DYNLT3: variants seen among roughly 807,000 people sequenced by gnomAD.
The protein encoded by DYNLT3 is dynein light chain Tctex-type 3, also known as protein 91/23.
DYNLT3 carries 4 observed loss-of-function variants against 11.0 expected under a neutral mutation model. The ratio of observed to expected loss-of-function variants is 0.36; its 90% CI spans 0.18 to 0.83. The LOEUF (loss-of-function observed/expected upper bound fraction) is 0.83. Ranked by LOEUF, DYNLT3 falls within the 40% of genes least tolerant of loss-of-function variation. DYNLT3 has a pLI of 0.47. For missense variants in DYNLT3, 91 were observed against 91.1 expected, an observed-to-expected ratio of 1.00 and a Z score of 0.01; for synonymous variants, 37 against 31.2, an observed-to-expected ratio of 1.18 and a Z score of -0.61.
rs888713297 is a variant in DYNLT3, at chrX:37,840,002, G to T, written c.*573C>A. 2 of 110,732 alleles carry T rather than the reference G, an allele frequency of 1.8e-5. No individual in the cohort carries two copies. Among genetic ancestry groups the T allele is most frequent in the Admixed American group, 9.7e-5 (1 of 10,328 alleles). The allele number at this position is 110,732 out of a possible 1,213,427, so 9.1% of individuals were successfully genotyped here. On this transcript the variant is annotated 3_prime_UTR_variant, in exon 5 of 5. Coordinates refer to ENST00000378578, the MANE Select transcript of DYNLT3 (RefSeq NM_006520.3). ...CAAAAATTTGAAATTAAAAAAAATT[G>T]ATTTACTAATCCTCAGAAAAAGTAA...
intron 2 of DYNLT3, 138 bp downstream of exon 2, chrX:37,846,179 A>G (rs1488331670): frequency 5.4e-5 from 35 of 653,974 alleles, no homozygotes; most frequent in Non-Finnish European, 7.8e-5. Context: ...TCAAAAAACA[A>G]TAAAATAAAA....
chrX:37,843,772 A>G (rs1162577538), intron 2 of DYNLT3, among the ~76,000 whole-genome samples: 1 of 111,895 alleles, frequency 8.9e-6, no homozygotes, highest in African/African-American at 3.2e-5. Flanking sequence ...GCTCAGAGCA[A>G]GAAATCAAAG....
chrX:37,844,038 C>T (rs1930222024), intron 2 of DYNLT3, among the ~76,000 whole-genome samples: 1 of 111,545 alleles, frequency 9.0e-6, no homozygotes, highest in African/African-American at 3.3e-5. Flanking sequence ...TATAAAAATT[C>T]AAGAGAAGCT....
chrX:37,842,835 G>C (rs751224786), intron 2 of DYNLT3, among the ~76,000 whole-genome samples: 5 of 111,992 alleles, frequency 4.5e-5, no homozygotes, highest in Non-Finnish European at 9.4e-5. Flanking sequence ...TTATCATATT[G>C]CTGCTGTTAT....
chrX:37,846,157 C>T (rs962857812), intron 2 of DYNLT3, among the ~76,000 whole-genome samples, 160 bp downstream of exon 2: 7 of 111,736 alleles, frequency 6.3e-5, no homozygotes, highest in African/African-American at 9.8e-5. Flanking sequence ...GGTGACAGAG[C>T]GAGACTCCAT....
At chrX:37,842,737 G>A (rs1453501461) in intron 2 of DYNLT3, among the ~76,000 whole-genome samples, 1 of 111,657 alleles carries the variant, frequency 9.0e-6, no homozygotes, top group African/African-American at 3.3e-5. Flanking sequence ...ATCTTATCAG[G>A]TTGTTGTTAG....
intron 3 of DYNLT3, among the ~76,000 whole-genome samples, chrX:37,841,516 G>C (rs752255776): frequency 6.8e-4 from 76 of 111,212 alleles, no homozygotes; most frequent in Non-Finnish European, 1.1e-3. Context: ...TTGAGCTAAG[G>C]GGGGGTCTCA....
intron 3 of DYNLT3, 92 bp downstream of exon 3, chrX:37,841,690 A>G (rs1930163051): frequency 1.1e-6 from 1 of 950,396 alleles, no homozygotes; most frequent in East Asian, 3.4e-5. Flanking sequence ...TATCCAACTT[A>G]AATGTCTATT....
In DYNLT3 at chrX:37,841,109, C is replaced by T; in HGVS notation, c.197-4G>A. The stretch of plus-strand genomic sequence containing the variant: ...TTCTGGACCACTGCACAGGTCACTG[C>T]AAATAAAGTCACAGAATGAGGGCAC... On this transcript the variant is annotated splice_polypyrimidine_tract_variant and splice_region_variant and intron_variant, in intron 3 of 4. Transcript: ENST00000378578. 1.7e-6 allele frequency: 2 copies of T among 1,199,913 alleles called. No homozygotes were observed. Among genetic ancestry groups the T allele is most frequent in the African/African-American group, 3.5e-5 (2 of 57,213 alleles).
Position 37,841,896 on chromosome X carries a change from C to T in DYNLT3, c.82G>A (p.Gly28Arg), listed in dbSNP as rs781673184. 3 of 1,124,858 alleles carry T rather than the reference C, an allele frequency of 2.7e-6. No individual in the cohort carries two copies. The highest frequency in any genetic ancestry group is 3.6e-6 in the Non-Finnish European group (3 of 839,442). The allele number at this position is 1,124,858 out of a possible 1,213,427, so 92.7% of individuals were successfully genotyped here. A position where few individuals can be genotyped will look rare whatever the true frequency, so the allele number is the denominator to read the frequency against. The change falls in exon 3 of 5, where the codon GGG (glycine) becomes AGG (arginine). Residue 28 changes from glycine to arginine, a missense_variant. By Grantham distance (125) the Gly-to-Arg change is moderately radical (BLOSUM62 -2). Coordinates refer to ENST00000378578, the MANE Select transcript of DYNLT3 (RefSeq NM_006520.3). ...AHNIVKECVDGVLGGEDYNHN... is the reference protein window; with the variant it reads ...AHNIVKECVDRVLGGEDYNHN... ...TTATAATCTTCACCACCTAAAACCC[C>T]ATCTACACACTAAAAGGGCACAGAG... is the stretch of plus-strand genomic sequence containing the variant.
intron 2 of DYNLT3, among the ~76,000 whole-genome samples, chrX:37,845,997 C>A (rs1770447617): frequency 9.0e-6 from 1 of 111,331 alleles, no homozygotes; most frequent in Non-Finnish European, 1.9e-5. Context: ...AAGGTGAAAC[C>A]CCGTCTCTAC....
At chrX:37,842,415 T>C (rs1332002681) in intron 2 of DYNLT3, among the ~76,000 whole-genome samples, 2 of 109,865 alleles carry the variant, frequency 1.8e-5, no homozygotes, top group Non-Finnish European at 3.8e-5. Context: ...TACTATGTGA[T>C]TGTTTAGCTA....
intron 1 of DYNLT3, among the ~76,000 whole-genome samples, chrX:37,846,581 A>T (rs186078339): frequency 0.011 from 1,244 of 111,114 alleles, 17 homozygotes; most frequent in African/African-American, 0.038. Context: ...ATTTTTTTTT[A>T]AAAAAGTGCT....
chrX:37,840,427 T>C lies in DYNLT3; in HGVS notation c.*148A>G. 1 of 408,512 alleles carries C rather than the reference T, an allele frequency of 2.4e-6. No individual in the cohort carries two copies. 33.7% of individuals were successfully genotyped at this position (408,512 alleles called of 1,213,427 possible). ...ATCTGCCAATTACTATGATATTGCT[T>C]GCTTATAATATTCAGTTTTTGTTGA... On this transcript the variant is annotated 3_prime_UTR_variant, in exon 5 of 5. Coordinates refer to ENST00000378578, the MANE Select transcript of DYNLT3 (RefSeq NM_006520.3).
In DYNLT3 at chrX:37,840,474, G is replaced by T; in HGVS notation, c.*101C>A. ...TTGATAGCTTTAAAGCATATTGCACGCTTTTCATCTAGCACACTAGTAAAC... is the reference window on the plus strand; with the variant it reads ...TTGATAGCTTTAAAGCATATTGCACTCTTTTCATCTAGCACACTAGTAAAC... On this transcript the variant is annotated 3_prime_UTR_variant, in exon 5 of 5. Coordinates refer to ENST00000378578, the MANE Select transcript of DYNLT3 (RefSeq NM_006520.3). The T allele has an allele frequency of 2.8e-6, 2 of 708,440 alleles. No homozygotes were observed. Among genetic ancestry groups the T allele is most frequent in the Non-Finnish European group, 4.0e-6 (2 of 504,255 alleles). 58.4% of individuals were successfully genotyped at this position (708,440 alleles called of 1,213,427 possible).
chrX:37,841,966 T>C (rs1423690235), intron 2 of DYNLT3, 61 bp from the exon 3 acceptor site: 7 of 984,913 alleles, frequency 7.1e-6, no homozygotes, highest in Non-Finnish European at 7.9e-6. Flanking sequence ...GAACAATTTT[T>C]ACACAAATTG....
intron 1 of DYNLT3, among the ~76,000 whole-genome samples, chrX:37,846,639 T>C (rs1024097271): frequency 1.2e-4 from 13 of 111,943 alleles, no homozygotes; most frequent in African/African-American, 4.2e-4. Flanking sequence ...ATCATTGTAT[T>C]GTAAAACGTA....
chrX:37,840,481 A>G lies in DYNLT3; in HGVS notation c.*94T>C. Reference sequence around the variant, plus strand: ...CTTTAAAGCATATTGCACGCTTTTCATCTAGCACACTAGTAAACAACTATT... The same window carrying G: ...CTTTAAAGCATATTGCACGCTTTTCGTCTAGCACACTAGTAAACAACTATT... On this transcript the variant is annotated 3_prime_UTR_variant, in exon 5 of 5. Transcript: ENST00000378578. 1 of 786,626 alleles carries G rather than the reference A, an allele frequency of 1.3e-6. No individual in the cohort carries two copies. The highest frequency in any genetic ancestry group is 1.8e-6 in the Non-Finnish European group (1 of 566,384). The allele number at this position is 786,626 out of a possible 1,213,427, so 64.8% of individuals were successfully genotyped here.
chrX:37,841,196 A>AAAACAAGACAAAAAAC (rs1461729909), intron 3 of DYNLT3, 91 bp from the exon 4 acceptor site: 74 of 691,015 alleles, frequency 1.1e-4, no homozygotes, highest in Non-Finnish European at 1.5e-5. Context: ...CTACAAGCCG[A>AAAACAAGACAAAAAAC]AAACAAGACA....
Sources: allele counts gnomAD v4.1 joint callset (sites outside exome capture counted in the v4.1 genomes callset), GRCh38; gene constraint gnomAD v4.1.1; transcripts MANE v1.5; gene names NCBI Gene and HGNC (gene_info 2026-07-23, HGNC 2026-07-21).